Variants in MINAR1 observed in about 807,000 individuals in gnomAD.
MINAR1 encodes the protein major intrinsically disordered Notch2-binding receptor 1.
Under a neutral mutation model 65.1 loss-of-function variants are expected in MINAR1, and 40 were observed. The observed-to-expected ratio is 0.61, with a 90% CI of 0.48 to 0.80. The LOEUF is 0.80. MINAR1 is among the 30% of genes least tolerant of loss of function. MINAR1 has a pLI of 0.00. For synonymous variants in MINAR1, 482 were observed against 449.1 expected (o/e 1.07, Z -0.93); for missense variants, 1,128 against 1,148.0 (o/e 0.98, Z 0.25).
chr15:79,440,946 AC>A (rs1894853631), intron 1 of MINAR1, among the ~76,000 whole-genome samples: 1 of 152,096 alleles, frequency 6.6e-6, no homozygotes, highest in South Asian at 2.1e-4. Flanking sequence ...TCTGCCTTAC[AC>A]CCTGCTGTAT....
Position 79,470,337 on chromosome 15 carries a change from C to T in MINAR1, c.*1953C>T, listed in dbSNP as rs1357833478. ...TAACCCCTCAACCAGTAAGACTCTA[C>T]ACCATATTGTAGCCCCACTATTCTC... On this transcript the variant is annotated 3_prime_UTR_variant, in exon 4 of 4. Coordinates refer to ENST00000305428, the MANE Select transcript of MINAR1 (RefSeq NM_015206.3). The T allele has an allele frequency of 3.3e-5, 5 of 152,390 alleles. No homozygotes were observed. Among genetic ancestry groups the T allele is most frequent in the Admixed American group, 6.5e-5 (1 of 15,280 alleles). 9.4% of individuals were successfully genotyped at this position (152,390 alleles called of 1,614,324 possible). A position where few individuals can be genotyped will look rare whatever the true frequency, so the allele number is the denominator to read the frequency against.
rs767382134 is a variant in MINAR1, at chr15:79,457,448, G to A, written c.1301G>A (p.Gly434Glu). ...ATTGCTTATGCGGCAAAACAAAATG[G>A]GCTCAAATCTAAAGAGATCTCATCC... ...LPIAYAAKQN[G>E]LKSKEISSPV... The change falls in exon 2 of 4, where the codon GGG (glycine) becomes GAG (glutamate). Residue 434 changes from glycine (G) to glutamate (E), a missense_variant. Physicochemically the swap from Gly to Glu is moderately conservative, Grantham distance 98 (BLOSUM62 -2). Coordinates refer to ENST00000305428, the MANE Select transcript of MINAR1 (RefSeq NM_015206.3). 1 of 1,614,100 alleles carries A rather than the reference G, an allele frequency of 6.2e-7. No homozygotes were observed. The highest frequency in any genetic ancestry group is 1.1e-5 in the South Asian group (1 of 91,072).
rs767904567 is a variant in MINAR1 at position 79,456,320 on chromosome 15, C to G, written c.173C>G (p.Pro58Arg). 1.9e-6 allele frequency: 3 copies of G among 1,614,044 alleles called. No homozygotes were observed. The highest frequency in any genetic ancestry group is 2.5e-6 in the Non-Finnish European group (3 of 1,180,030). ...SVLFYTACLD[P>R]NFPATLFKDK... ...CTCTTCTACACAGCTTGTCTCGATCCCAATTTTCCAGCCACGCTATTCAAA... is the reference window on the plus strand; with the variant it reads ...CTCTTCTACACAGCTTGTCTCGATCGCAATTTTCCAGCCACGCTATTCAAA... The change falls in exon 2 of 4, where the codon CCC (proline) becomes CGC (arginine). Residue 58 changes from proline to arginine, a missense_variant. By Grantham distance (103) the Pro-to-Arg change is moderately radical. Transcript: ENST00000305428.
upstream of MINAR1, among the ~76,000 whole-genome samples, chr15:79,430,283 G>C (rs934863288): frequency 2.0e-5 from 3 of 152,150 alleles, no homozygotes; most frequent in Non-Finnish European, 4.4e-5. Flanking sequence ...GTTTCAGGAA[G>C]CTATGGTTTT....
Position 79,461,179 on chromosome 15 carries a change from C to T in MINAR1, c.2299-1888C>T, listed in dbSNP as rs572543406. ...CAGTGAGAACACAAACTCAGTGATA[C>T]GAACAGGCATGGGCAGCAATGAAAC... On this transcript the variant is annotated intron_variant, in intron 2 of 3. Coordinates refer to ENST00000305428, the MANE Select transcript of MINAR1 (RefSeq NM_015206.3). 1.1e-4 allele frequency among the ~76,000 whole-genome samples: 17 copies of T among 152,316 alleles called. No individual in the cohort carries two copies. The South Asian group carries it at 1.2e-3, about 11-fold the overall frequency.
the MINAR1 span, chr15:79,414,632 A>G: frequency 1.5e-4 from 23 of 152,244 alleles, no homozygotes; most frequent in African/African-American, 5.3e-4. Flanking sequence ...AAGAATGAGG[A>G]TGGTATAGCT....
At chr15:79,460,461 C>G (rs1369774874) in intron 2 of MINAR1, among the ~76,000 whole-genome samples, 1 of 152,182 alleles carries the variant, frequency 6.6e-6, no homozygotes, top group Non-Finnish European at 1.5e-5. Flanking sequence ...CCCCTCTGGT[C>G]CCTCCTCTTG....
Position 79,458,203 on chromosome 15 carries a change from G to A in MINAR1, c.2056G>A (p.Ala686Thr). ...CAACCCTGACTGGTGCTGCTCTGAT[G>A]CTAGCGGGAGCAACAGTGAAAGCCT... The part of the protein sequence containing the change: ...ENNPDWCCSD[A>T]SGSNSESLRV... Residue 686 changes from alanine (A) to threonine (T), a missense_variant, in exon 2 of 4, where the codon GCT becomes ACT. By Grantham distance (58) the Ala-to-Thr change is moderately conservative. Transcript: ENST00000305428. 1 of 1,614,134 alleles carries A rather than the reference G, an allele frequency of 6.2e-7. No individual in the cohort carries two copies. Among genetic ancestry groups the A allele is most frequent in the Non-Finnish European group, 8.5e-7 (1 of 1,180,046 alleles).
chr15:79,460,471 G>GGGCTCACTTTGTCCAGC, intron 2 of MINAR1, among the ~76,000 whole-genome samples: 1 of 152,238 alleles, frequency 6.6e-6, no homozygotes, highest in South Asian at 2.1e-4. Context: ...CCCTCCTCTT[G>GGGCTCACTTTGTCCAGC]GGCTCACTTT....
intron 1 of MINAR1, among the ~76,000 whole-genome samples, chr15:79,436,163 T>C (rs901728148): frequency 1.3e-5 from 2 of 152,230 alleles, no homozygotes. Flanking sequence ...GTAGCATTGA[T>C]AATAAACAAA....
At chr15:79,448,370 G>A (rs1895080359) in intron 1 of MINAR1, among the ~76,000 whole-genome samples, 6 of 152,198 alleles carry the variant, frequency 3.9e-5, no homozygotes. Context: ...GAGAGAAAGT[G>A]TTCCCCCTTA....
Position 79,458,131 on chromosome 15 carries a change from C to T in MINAR1, c.1984C>T (p.Arg662Trp), listed in dbSNP as rs147214893. Residue 662 changes from arginine to tryptophan, a missense_variant, in exon 2 of 4, where the codon CGG becomes TGG. Arg to Trp is a moderately radical substitution (Grantham distance 101). Coordinates refer to ENST00000305428, the MANE Select transcript of MINAR1 (RefSeq NM_015206.3). ...EGPSDDSASP[R>W]MFHAHSGSHG... ...TCCGTCTGATGACAGTGCCTCTCCC[C>T]GGATGTTCCACGCACACAGTGGCTC... 1.6e-5 allele frequency: 26 copies of T among 1,614,160 alleles called. No homozygotes were observed. The highest frequency in any genetic ancestry group is 5.0e-5 in the Admixed American group (3 of 60,034).
At chr15:79,443,701 T>C (rs1567052142) in intron 1 of MINAR1, among the ~76,000 whole-genome samples, 1 of 152,252 alleles carries the variant, frequency 6.6e-6, no homozygotes, top group Non-Finnish European at 1.5e-5. Flanking sequence ...TTGTATAATA[T>C]AAACTATGTG....
Position 79,456,264 on chromosome 15 carries a change from C to T in MINAR1, c.117C>T (p.Asp39=). 6.2e-7 allele frequency: 1 copy of T among 1,614,188 alleles called. No homozygotes were observed. The highest frequency in any genetic ancestry group is 8.5e-7 in the Non-Finnish European group (1 of 1,180,040). ...DLCKSLCARF[D]LSQLAKLRSV... ...GCAAATCTCTCTGTGCCCGGTTCGA[C>T]CTGTCGCAGCTTGCCAAACTGAGAA... The change falls in exon 2 of 4, where the codon GAC becomes GAT. Residue 39 remains aspartate, a synonymous_variant. Transcript: ENST00000305428.
chr15:79,462,760 C>T (rs1246420465), intron 2 of MINAR1, among the ~76,000 whole-genome samples: 2 of 152,232 alleles, frequency 1.3e-5, no homozygotes, highest in African/African-American at 4.8e-5. Context: ...GGGCAAGTTA[C>T]TGAGTCTGGG....
At position 79,470,890 on chromosome 15, in the gene MINAR1, A is replaced by G. The variant is rs971413495; in HGVS notation, c.*2506A>G. 6.6e-6 allele frequency: 1 copy of G among 152,178 alleles called. No individual in the cohort carries two copies. The allele number at this position is 152,178 out of a possible 1,614,324, so 9.4% of individuals were successfully genotyped here. The stretch of plus-strand genomic sequence containing the variant: ...GACGCTGAGGTTATGAATCATTACC[A>G]TGGCTTGGAGCTATTGGATGCTTGG... On this transcript the variant is annotated 3_prime_UTR_variant, in exon 4 of 4. Transcript: ENST00000305428.
chr15:79,467,466 A>G (rs1349201478), intron 3 of MINAR1, among the ~76,000 whole-genome samples: 1 of 152,220 alleles, frequency 6.6e-6, no homozygotes, highest in Admixed American at 6.5e-5. Context: ...CAAGTTAAAT[A>G]TGGTATTTCT....
At position 79,456,121 on chromosome 15, in the gene MINAR1, G is replaced by A. The variant is rs2141292845; in HGVS notation, c.-27G>A. 6.2e-7 allele frequency: 1 copy of A among 1,601,040 alleles called. No homozygotes were observed. Among genetic ancestry groups the A allele is most frequent in the African/African-American group, 1.3e-5 (1 of 74,782 alleles). Reference sequence around the variant, plus strand: ...AGAACTGACCTGAAGTTTCAGTGTAGTCAGAGAGCTCTTCAAGTAATAAAT... The same window carrying A: ...AGAACTGACCTGAAGTTTCAGTGTAATCAGAGAGCTCTTCAAGTAATAAAT... On this transcript the variant is annotated 5_prime_UTR_variant, in exon 2 of 4. Transcript: ENST00000305428.
chr15:79,414,384 C>G, the MINAR1 span: 1 of 152,216 alleles, frequency 6.6e-6, no homozygotes, highest in African/African-American at 2.4e-5. Context: ...ATGAACATGG[C>G]ACACAAAAAA....
Sources: allele counts gnomAD v4.1 joint callset (sites outside exome capture counted in the v4.1 genomes callset), GRCh38; gene constraint gnomAD v4.1.1; transcripts MANE v1.5; gene names NCBI Gene and HGNC (gene_info 2026-07-23, HGNC 2026-07-21).